The following PTPRG variants were observed in gnomAD, a reference collection of about 807,000 sequenced individuals.
The protein encoded by PTPRG is protein tyrosine phosphatase receptor type G.
In PTPRG, 102 loss-of-function variants were observed where a neutral mutation model predicts 165.3. That is an observed-to-expected ratio of 0.62 (90% CI 0.53 to 0.73). The LOEUF is 0.73. PTPRG is among the 30% of genes least tolerant of loss of function. PTPRG has a pLI of 0.00. For missense variants in PTPRG, 1,866 were observed against 1,861.4 expected, an observed-to-expected ratio of 1.00 and a Z score of -0.05; for synonymous variants, 675 against 669.5, an observed-to-expected ratio of 1.01 and a Z score of -0.13.
chr3:62,207,362 G>A lies in PTPRG; in HGVS notation c.2155+3412G>A, dbSNP rs776402097. Among the ~76,000 whole-genome samples, 6 of 152,344 alleles carry A rather than the reference G, an allele frequency of 3.9e-5. 1 individual carries two copies. Among genetic ancestry groups the A allele is most frequent in the Non-Finnish European group, 4.4e-5 (3 of 68,036 alleles). Reference sequence around the variant, plus strand: ...ATGTGCCTGTTGATTAGTAAAGGACGTGAGTGACCTGAAGGTAAAACAAGC... The same window carrying A: ...ATGTGCCTGTTGATTAGTAAAGGACATGAGTGACCTGAAGGTAAAACAAGC... On this transcript the variant is annotated intron_variant, in intron 12 of 29. Transcript: ENST00000474889.
At chr3:61,863,116 A>T (rs1161996190) in intron 2 of PTPRG, among the ~76,000 whole-genome samples, 1 of 152,194 alleles carries the variant, frequency 6.6e-6, no homozygotes, top group Non-Finnish European at 1.5e-5. Flanking sequence ...CAGACCCAGG[A>T]ACTGCTTGTC....
At chr3:61,709,178 G>A (rs2031422660) in intron 1 of PTPRG, among the ~76,000 whole-genome samples, 1 of 152,214 alleles carries the variant, frequency 6.6e-6, no homozygotes, top group Non-Finnish European at 1.5e-5. Context: ...CTTGCCTACT[G>A]GGGATACAGC....
chr3:62,022,448 T>A (rs1025689419), intron 4 of PTPRG, among the ~76,000 whole-genome samples: 1 of 152,210 alleles, frequency 6.6e-6, no homozygotes, highest in African/African-American at 2.4e-5. Context: ...CTTGTCACCT[T>A]CTCTTGGCTC....
At chr3:62,037,271 C>T (rs1001291588) in intron 4 of PTPRG, among the ~76,000 whole-genome samples, 4 of 152,136 alleles carry the variant, frequency 2.6e-5, no homozygotes, top group Admixed American at 6.5e-5. Context: ...TTTTTATTGA[C>T]ATGGTGCCAG....
At chr3:61,875,933 A>G (rs2037727533) in intron 2 of PTPRG, among the ~76,000 whole-genome samples, 1 of 152,182 alleles carries the variant, frequency 6.6e-6, no homozygotes, top group African/African-American at 2.4e-5. Context: ...GGGAAACCTT[A>G]TAACTGAAAT....
rs143512845 is a variant in PTPRG at position 61,615,300 on chromosome 3, C to T, written c.85+52928C>T. 2.5e-3 allele frequency among the ~76,000 whole-genome samples: 380 copies of T among 152,320 alleles called. 1 individual carries two copies. Among genetic ancestry groups the T allele is most frequent in the African/African-American group, 8.8e-3 (367 of 41,562 alleles). On this transcript the variant is annotated intron_variant, in intron 1 of 29. Transcript: ENST00000474889. ...GTCTCTTTCAGGTCTGGAACAGTTT[C>T]TCGGAATTTCCTTGGCCTCTATGAC... is the stretch of plus-strand genomic sequence containing the variant.
intron 2 of PTPRG, among the ~76,000 whole-genome samples, chr3:61,840,734 A>C (rs1433950298): frequency 2.0e-5 from 3 of 151,646 alleles, no homozygotes; most frequent in Non-Finnish European, 4.4e-5. Flanking sequence ...CAAGTAAACA[A>C]ATATATAGGA....
intron 4 of PTPRG, among the ~76,000 whole-genome samples, chr3:62,064,226 TC>T (rs1700921973): frequency 6.6e-6 from 1 of 152,152 alleles, no homozygotes; most frequent in South Asian, 2.1e-4. Context: ...ACAAGTCTTC[TC>T]CCCAGAGAAA....
Position 62,292,774 on chromosome 3 carries a change from T to G in PTPRG, c.4191+218T>G, listed in dbSNP as rs1214479526. On this transcript the variant is annotated intron_variant, in intron 29 of 29. Coordinates refer to ENST00000474889, the MANE Select transcript of PTPRG (RefSeq NM_002841.4). ...CAAACTACACAGCACAAGACAGCCC[T>G]CAACACCATAGAATTATGTGGCCCA... 4 of 545,028 alleles carry G rather than the reference T, an allele frequency of 7.3e-6. No homozygotes were observed. The African/African-American group carries it at 7.7e-5, about 11-fold the overall frequency. The allele number at this position is 545,028 out of a possible 1,614,324, so 33.8% of individuals were successfully genotyped here.
At chr3:61,662,740 G>T (rs1316916412) in intron 1 of PTPRG, among the ~76,000 whole-genome samples, 4 of 152,162 alleles carry the variant, frequency 2.6e-5, no homozygotes, top group African/African-American at 9.7e-5. Flanking sequence ...CTTTCTAGGG[G>T]CAGAAAAGGG....
intron 2 of PTPRG, among the ~76,000 whole-genome samples, chr3:61,786,850 GAAATA>G: frequency 6.6e-6 from 1 of 152,126 alleles, no homozygotes; most frequent in Non-Finnish European, 1.5e-5. Flanking sequence ...TGTCCCACTG[GAAATA>G]GAAGCCTTAC....
intron 1 of PTPRG, among the ~76,000 whole-genome samples, chr3:61,567,645 G>A (rs572967803): frequency 5.4e-4 from 73 of 135,090 alleles, no homozygotes; most frequent in African/African-American, 2.0e-3. Flanking sequence ...CAGCTTGAGT[G>A]ACACAGTGAG....
chr3:61,861,389 T>G (rs2037267169), intron 2 of PTPRG, among the ~76,000 whole-genome samples: 1 of 152,146 alleles, frequency 6.6e-6, no homozygotes, highest in African/African-American at 2.4e-5. Flanking sequence ...AAGGCATTGA[T>G]CAAAGATATC....
chr3:61,994,618 G>A (rs1161778600), intron 3 of PTPRG, among the ~76,000 whole-genome samples: 1 of 152,172 alleles, frequency 6.6e-6, no homozygotes, highest in Admixed American at 6.5e-5. Context: ...GCAAGTAGTA[G>A]GACACTGTTG....
chr3:61,563,770 G>T (rs962675834), intron 1 of PTPRG, among the ~76,000 whole-genome samples: 40 of 152,044 alleles, frequency 2.6e-4, no homozygotes, highest in African/African-American at 8.9e-4. Context: ...CCCGTCGTGC[G>T]ACCCGGAGCA....
At chr3:61,805,320 T>C in intron 2 of PTPRG, among the ~76,000 whole-genome samples, 1 of 152,126 alleles carries the variant, frequency 6.6e-6, no homozygotes, top group East Asian at 1.9e-4. Context: ...AAGAATGTTC[T>C]GTCCTGAATT....
intron 2 of PTPRG, among the ~76,000 whole-genome samples, chr3:61,951,925 C>G (rs1237214823): frequency 6.6e-6 from 1 of 152,060 alleles, no homozygotes; most frequent in East Asian, 1.9e-4. Context: ...CAAGACCATC[C>G]TGGCCAACAT....
At chr3:61,999,799 T>A (rs2041127884) in intron 3 of PTPRG, among the ~76,000 whole-genome samples, 1 of 152,180 alleles carries the variant, frequency 6.6e-6, no homozygotes, top group East Asian at 1.9e-4. Context: ...ATCTTGCTCA[T>A]GTTATTAAAT....
intron 2 of PTPRG, among the ~76,000 whole-genome samples, chr3:61,866,504 G>A (rs1162269567): frequency 6.6e-6 from 1 of 151,652 alleles, no homozygotes; most frequent in East Asian, 1.9e-4. Context: ...CTAGGATGTG[G>A]GGGAGAGAGG....
Sources: allele counts gnomAD v4.1 joint callset (sites outside exome capture counted in the v4.1 genomes callset), GRCh38; gene constraint gnomAD v4.1.1; transcripts MANE v1.5; gene names NCBI Gene and HGNC (gene_info 2026-07-23, HGNC 2026-07-21).